The following SLC6A11 variants were observed in gnomAD, a reference collection of about 807,000 sequenced individuals.
SLC6A11 encodes the protein solute carrier family 6 member 11, also known as sodium- and chloride-dependent GABA transporter 3.
A neutral mutation model predicts 74.8 loss-of-function variants in SLC6A11; 25 were observed. That is an observed-to-expected ratio of 0.33 (90% CI 0.24 to 0.47). SLC6A11 has a LOEUF of 0.47. Ranked by LOEUF, SLC6A11 falls within the 20% of genes least tolerant of loss-of-function variation. SLC6A11 has a pLI of 1.00. For missense variants in SLC6A11, 574 were observed against 837.0 expected (o/e 0.69, Z 3.88); for synonymous variants, 330 against 330.2 (o/e 1.00, Z 0.01).
At chr3:10,920,101 G>A (rs539552705) in intron 8 of SLC6A11, among the ~76,000 whole-genome samples, 16 of 152,146 alleles carry the variant, frequency 1.1e-4, no homozygotes, top group African/African-American at 3.1e-4. Context: ...TGTAAAGTGC[G>A]CACCCTGAAA....
At chr3:10,863,222 A>G (rs1484016450) in intron 5 of SLC6A11, among the ~76,000 whole-genome samples, 3 of 152,218 alleles carry the variant, frequency 2.0e-5, no homozygotes, top group African/African-American at 7.2e-5. Context: ...ACTGTATTAC[A>G]AGGCAGAATG....
At chr3:10,896,146 T>A (rs1250415683) in intron 6 of SLC6A11, among the ~76,000 whole-genome samples, 1 of 152,158 alleles carries the variant, frequency 6.6e-6, no homozygotes, top group Non-Finnish European at 1.5e-5. Flanking sequence ...ACAGAATGAG[T>A]GGGCCTGGCC....
At chr3:10,911,839 C>G (rs1695391821) in intron 6 of SLC6A11, among the ~76,000 whole-genome samples, 1 of 152,156 alleles carries the variant, frequency 6.6e-6, no homozygotes, top group African/African-American at 2.4e-5. Context: ...CAAATTCTTG[C>G]TATTCACTGA....
intron 4 of SLC6A11, among the ~76,000 whole-genome samples, chr3:10,837,861 G>A (rs1045090239): frequency 3.3e-5 from 5 of 152,234 alleles, no homozygotes; most frequent in African/African-American, 9.6e-5. Context: ...GCAGGGGACT[G>A]TACTTCTTTC....
chr3:10,861,605 G>A (rs1694703974), intron 5 of SLC6A11, among the ~76,000 whole-genome samples: 2 of 152,118 alleles, frequency 1.3e-5, no homozygotes, highest in Non-Finnish European at 1.5e-5. Flanking sequence ...CAGAAAACTA[G>A]AAAAGTCCAA....
chr3:10,868,230 C>T (rs1161984672), intron 5 of SLC6A11, among the ~76,000 whole-genome samples: 1 of 152,168 alleles, frequency 6.6e-6, no homozygotes, highest in Non-Finnish European at 1.5e-5. Context: ...GGTTCTTGCC[C>T]CACACTGCCC....
At chr3:10,936,340 A>C (rs1695759693) in intron 13 of SLC6A11, among the ~76,000 whole-genome samples, 1 of 152,134 alleles carries the variant, frequency 6.6e-6, no homozygotes, top group East Asian at 1.9e-4. Context: ...CTGTCCCCTG[A>C]ATTTCGCTGC....
chr3:10,824,635 G>A (rs1307254035), intron 4 of SLC6A11: 1 of 152,034 alleles, frequency 6.6e-6, no homozygotes, highest in Non-Finnish European at 1.5e-5. Context: ...TTGGTTCTTA[G>A]ATGTATCCAT....
At chr3:10,830,224 G>T (rs1694276956) in intron 4 of SLC6A11, among the ~76,000 whole-genome samples, 1 of 152,144 alleles carries the variant, frequency 6.6e-6, no homozygotes. Flanking sequence ...AAGTTCATGC[G>T]GTTGGCCATG....
chr3:10,914,674 G>T (rs1199444690), intron 7 of SLC6A11, among the ~76,000 whole-genome samples: 1 of 152,118 alleles, frequency 6.6e-6, no homozygotes, highest in Non-Finnish European at 1.5e-5. Flanking sequence ...ATGTGGGCAT[G>T]GGGGATGAGA....
At chr3:10,934,241 AG>A in intron 12 of SLC6A11, 75 bp downstream of exon 12, 1 of 1,031,034 alleles carries the variant, frequency 9.7e-7, no homozygotes, top group Admixed American at 1.7e-5. Context: ...TCCACTCCGT[AG>A]CCCCCACCCT....
chr3:10,824,486 A>G (rs570776726), intron 4 of SLC6A11: 2 of 151,800 alleles, frequency 1.3e-5, no homozygotes, highest in Non-Finnish European at 2.9e-5. Context: ...TAGATTTACC[A>G]CTCTCATATA....
rs900025107 is a variant in SLC6A11 at position 10,875,080 on chromosome 3, G to A, written c.876G>A (p.Arg292=). 7 of 1,609,218 alleles carry A rather than the reference G, an allele frequency of 4.3e-6. No homozygotes were observed. The African/African-American group carries it at 8.0e-5, about 18-fold the overall frequency. Residue 292 remains arginine, a synonymous_variant, in exon 6 of 14, where the codon CGG becomes CGA. Coordinates refer to ENST00000254488, the MANE Select transcript of SLC6A11 (RefSeq NM_014229.3). The stretch of plus-strand genomic sequence containing the variant: ...TCTACTTGTACCCTGACCTCTCCCG[G>A]CTCTCCGACCCCCAGGTAAGAGTCG... ...IKFYLYPDLS[R]LSDPQVWVDA... is the part of the protein sequence containing the mutation.
intron 5 of SLC6A11, among the ~76,000 whole-genome samples, chr3:10,859,861 T>A (rs1398729463): frequency 6.6e-6 from 1 of 152,242 alleles, no homozygotes; most frequent in Non-Finnish European, 1.5e-5. Flanking sequence ...TACTATCCAC[T>A]GCTTTAACAT....
In SLC6A11 at chr3:10,918,205, C is replaced by A; in HGVS notation, c.996-124C>A. On this transcript the variant is annotated intron_variant, in intron 7 of 13. Transcript: ENST00000254488. The surrounding 1 kb of genome is among the most constrained non-coding windows in gnomAD (Gnocchi z 4.5). ...TGAGTGCTCCATCAGAAAAACAGAG[C>A]TCCCTGTGCCTGCACTTCCCTGCCT... 9.2e-7 allele frequency: 1 copy of A among 1,090,532 alleles called. No individual in the cohort carries two copies. Among genetic ancestry groups the A allele is most frequent in the Non-Finnish European group, 1.2e-6 (1 of 801,196 alleles). The allele number at this position is 1,090,532 out of a possible 1,614,324, so 67.6% of individuals were successfully genotyped here. A position where few individuals can be genotyped will look rare whatever the true frequency, so the allele number is the denominator to read the frequency against.
At chr3:10,825,041 G>A (rs544312630) in intron 4 of SLC6A11, 1 of 152,258 alleles carries the variant, frequency 6.6e-6, no homozygotes, top group South Asian at 2.1e-4. Context: ...AAAATTAGCT[G>A]GGTAGTGGTT....
At chr3:10,856,613 C>T (rs556900196) in intron 5 of SLC6A11, among the ~76,000 whole-genome samples, 14 of 152,306 alleles carry the variant, frequency 9.2e-5, no homozygotes, top group South Asian at 2.1e-4. Context: ...AAAACTGGTG[C>T]GTTTCCCCCT....
chr3:10,862,242 T>G (rs1320840829), intron 5 of SLC6A11, among the ~76,000 whole-genome samples: 2 of 152,208 alleles, frequency 1.3e-5, no homozygotes, highest in African/African-American at 4.8e-5. Flanking sequence ...GTTCCGAGTA[T>G]GTTTTCCAGG....
At chr3:10,896,545 T>G (rs1277956783) in intron 6 of SLC6A11, among the ~76,000 whole-genome samples, 1 of 152,270 alleles carries the variant, frequency 6.6e-6, no homozygotes, top group African/African-American at 2.4e-5. Context: ...TGTGAGATTT[T>G]ATACTTGCTC....
Sources: allele counts gnomAD v4.1 joint callset (sites outside exome capture counted in the v4.1 genomes callset), GRCh38; gene constraint gnomAD v4.1.1; non-coding constraint Gnocchi (gnomAD v3.1); transcripts MANE v1.5; gene names NCBI Gene and HGNC (gene_info 2026-07-23, HGNC 2026-07-21).